Variants in SLC9C1 observed in about 807,000 individuals in gnomAD.
SLC9C1 encodes solute carrier family 9 member C1, also known as sodium/hydrogen exchanger 10.
SLC9C1 carries 97 observed loss-of-function variants against 140.9 expected under a neutral mutation model. That is an observed-to-expected ratio of 0.69 (90% CI 0.58 to 0.82). The LOEUF is 0.82. SLC9C1 is among the 40% of genes least tolerant of loss of function. The probability of loss-of-function intolerance (pLI) is 0.00; values close to 1 mark genes in which losing one functional copy is unlikely to be tolerated. For synonymous variants in SLC9C1, 440 were observed against 442.6 expected (o/e 0.99, Z 0.07); for missense variants, 1,340 against 1,389.3 (o/e 0.96, Z 0.56).
intron 8 of SLC9C1, among the ~76,000 whole-genome samples, chr3:112,265,607 C>T (rs114968459): frequency 1.3e-5 from 2 of 152,008 alleles, no homozygotes; most frequent in Non-Finnish European, 2.9e-5. Context: ...AAGTTTCCAC[C>T]CTATGTATTG....
intron 23 of SLC9C1, among the ~76,000 whole-genome samples, chr3:112,172,778 C>T (rs2077269247): frequency 6.6e-6 from 1 of 151,970 alleles, no homozygotes; most frequent in Non-Finnish European, 1.5e-5. Context: ...TCTCTTTGTT[C>T]TATATCTACT....
chr3:112,266,487 G>A (rs2079921852), intron 7 of SLC9C1, 147 bp from the exon 8 acceptor site: 1 of 597,702 alleles, frequency 1.7e-6, no homozygotes, highest in Non-Finnish European at 2.9e-6. Flanking sequence ...GAAAAATATT[G>A]CAAATTATTA....
rs775633921 is a variant in SLC9C1, at chr3:112,168,860, A to G, written c.3237+17T>C. 2 of 1,554,620 alleles carry G rather than the reference A, an allele frequency of 1.3e-6. No individual in the cohort carries two copies. Among genetic ancestry groups the G allele is most frequent in the Non-Finnish European group, 1.7e-6 (2 of 1,153,680 alleles). ...TATGGCATATTGATCTGAAGACAGG[A>G]ATCAATATTTCTTTACCTGATGGCA... On this transcript the variant is annotated intron_variant, in intron 25 of 28. Transcript: ENST00000305815.
rs1560003614 is a variant in SLC9C1 at position 112,150,834 on chromosome 3, ATATATATTT to A, written c.3524+1014_3524+1022del. On this transcript the variant is annotated intron_variant, in intron 28 of 28. Coordinates refer to ENST00000305815, the MANE Select transcript of SLC9C1 (RefSeq NM_183061.3). ...TAAATACATATACATATATATATAT[ATATATATTT>A]TTTTTTTTTTTTGAGATGAAGTCTC... 4.9e-4 allele frequency among the ~76,000 whole-genome samples: 23 copies of A among 47,070 alleles called. No individual in the cohort carries two copies. In the South Asian group the frequency reaches 0.014, roughly 29 times the overall value. The allele number at this position is 47,070 out of a possible 152,430, so 30.9% of individuals were successfully genotyped here.
At chr3:112,272,792 G>A (rs2080112160) in intron 6 of SLC9C1, among the ~76,000 whole-genome samples, 1 of 152,094 alleles carries the variant, frequency 6.6e-6, no homozygotes, top group Non-Finnish European at 1.5e-5. Flanking sequence ...GCTCTATGGA[G>A]GCAAGGGGAT....
At chr3:112,231,158 CTTTCTCTT>C (rs1298729290) in intron 13 of SLC9C1, among the ~76,000 whole-genome samples, 195 bp downstream of exon 13, 3 of 95,930 alleles carry the variant, frequency 3.1e-5, no homozygotes, top group African/African-American at 1.0e-4. Context: ...TTCTTTCTTT[CTTTCTCTT>C]TCTTTCTTTT....
At chr3:112,199,923 G>A (rs2108027578) in intron 19 of SLC9C1, among the ~76,000 whole-genome samples, 1 of 152,058 alleles carries the variant, frequency 6.6e-6, no homozygotes, top group South Asian at 2.1e-4. Flanking sequence ...AGTGCATCTA[G>A]ATGACTCATA....
At chr3:112,244,994 GACAGTGTATATC>G (rs2079239862) in intron 10 of SLC9C1, among the ~76,000 whole-genome samples, 1 of 152,124 alleles carries the variant, frequency 6.6e-6, no homozygotes, top group Non-Finnish European at 1.5e-5. Flanking sequence ...TGTCAGTTTT[GACAGTGTATATC>G]TACTCATATA....
intron 12 of SLC9C1, among the ~76,000 whole-genome samples, chr3:112,237,009 C>A (rs193112068): frequency 2.6e-5 from 4 of 152,300 alleles, no homozygotes; most frequent in African/African-American, 7.2e-5. Context: ...AGCTCATTTC[C>A]TGGATATCCT....
intron 28 of SLC9C1, among the ~76,000 whole-genome samples, chr3:112,143,467 G>T (rs974648234): frequency 3.3e-5 from 5 of 152,064 alleles, no homozygotes; most frequent in African/African-American, 9.7e-5. Context: ...TTGTGGTTTT[G>T]ATTTGCATTT....
At chr3:112,262,745 AT>A (rs2108292671) in intron 10 of SLC9C1, among the ~76,000 whole-genome samples, 178 bp downstream of exon 10, 1 of 151,944 alleles carries the variant, frequency 6.6e-6, no homozygotes, top group Admixed American at 6.6e-5. Flanking sequence ...TAATAAACCT[AT>A]TTCAGGGGAG....
intron 23 of SLC9C1, among the ~76,000 whole-genome samples, chr3:112,171,745 T>C (rs990429729): frequency 4.6e-5 from 7 of 152,242 alleles, no homozygotes; most frequent in Non-Finnish European, 1.0e-4. Context: ...TATAGTTCTA[T>C]CTTTCATGTT....
At chr3:112,182,403 A>C (rs1274235220) in intron 20 of SLC9C1, 145 bp from the exon 21 acceptor site, 6 of 863,244 alleles carry the variant, frequency 7.0e-6, no homozygotes, top group Non-Finnish European at 8.3e-6. Flanking sequence ...TCTTTATATC[A>C]TGATTCTTTT....
chr3:112,175,008 C>G (rs1297818529), intron 23 of SLC9C1, among the ~76,000 whole-genome samples: 1 of 152,146 alleles, frequency 6.6e-6, no homozygotes, highest in East Asian at 1.9e-4. Context: ...CTGGAGACAG[C>G]AAGGGCAAGG....
At chr3:112,246,053 T>G (rs1160955172) in intron 10 of SLC9C1, among the ~76,000 whole-genome samples, 1 of 152,218 alleles carries the variant, frequency 6.6e-6, no homozygotes, top group African/African-American at 2.4e-5. Flanking sequence ...CTGAAATGTT[T>G]CAAAATACGG....
chr3:112,196,719 T>C (rs933899725), intron 20 of SLC9C1, among the ~76,000 whole-genome samples: 1 of 152,138 alleles, frequency 6.6e-6, no homozygotes, highest in African/African-American at 2.4e-5. Context: ...CTTTTTACTT[T>C]TCTGCTCCAG....
chr3:112,231,174 T>TC (rs2078815455), intron 13 of SLC9C1, among the ~76,000 whole-genome samples, 187 bp downstream of exon 13: 1 of 150,254 alleles, frequency 6.7e-6, no homozygotes, highest in East Asian at 2.0e-4. Context: ...CTTTCTTTCT[T>TC]TTTCTTTCTT....
chr3:112,278,612 T>C (rs2080277451), intron 4 of SLC9C1, 117 bp downstream of exon 4: 1 of 1,083,466 alleles, frequency 9.2e-7, no homozygotes, highest in East Asian at 2.7e-5. Flanking sequence ...AATTTATTAC[T>C]CCCATACCCT....
chr3:112,160,131 C>A (rs1407774426), intron 26 of SLC9C1, among the ~76,000 whole-genome samples: 1 of 151,422 alleles, frequency 6.6e-6, no homozygotes, highest in Non-Finnish European at 1.5e-5. Flanking sequence ...TGTTTTGTAA[C>A]TATTCTCTTT....
Sources: gnomAD v4.1 joint callset for allele counts (sites outside exome capture counted in the v4.1 genomes callset) on GRCh38, gnomAD v4.1.1 for gene constraint, MANE v1.5 for transcripts, NCBI Gene and HGNC (gene_info 2026-07-23, HGNC 2026-07-21) for gene names.